Variants in ELMO1 observed in about 807,000 individuals in gnomAD.
The protein encoded by ELMO1 is engulfment and cell motility 1, also known as engulfment and cell motility protein 1.
A neutral mutation model predicts 98.9 loss-of-function variants in ELMO1; 26 were observed. The ratio of observed to expected loss-of-function variants is 0.26; its 90% CI spans 0.19 to 0.36. The LOEUF (loss-of-function observed/expected upper bound fraction) is 0.36, where lower values mean the gene tolerates loss of function less well. ELMO1 is among the 10% of genes least tolerant of loss of function. The pLI, the probability that ELMO1 is intolerant of heterozygous loss-of-function variation, is 1.00. For synonymous variants in ELMO1, 346 were observed against 346.0 expected (o/e 1.00, Z 0.00); for missense variants, 627 against 935.2 (o/e 0.67, Z 4.30).
chr7:37,423,977 C>T (rs1804599361), intron 1 of ELMO1, among the ~76,000 whole-genome samples: 4 of 152,166 alleles, frequency 2.6e-5, no homozygotes, highest in African/African-American at 4.8e-5. Flanking sequence ...CTGGGGGCTA[C>T]GCTGGGTGGT....
At chr7:37,033,809 A>C (rs1363806078) in intron 15 of ELMO1, among the ~76,000 whole-genome samples, 1 of 152,160 alleles carries the variant, frequency 6.6e-6, no homozygotes, top group Non-Finnish European at 1.5e-5. Context: ...TAAGAGAAAG[A>C]CTATTCATTG....
intron 1 of ELMO1, among the ~76,000 whole-genome samples, chr7:37,415,600 G>C (rs976257903): frequency 8.5e-5 from 13 of 152,152 alleles, no homozygotes; most frequent in Non-Finnish European, 1.3e-4. Context: ...ATATAAAGCA[G>C]GCAGCACAGT....
chr7:36,930,969 G>C (rs1785989661), intron 16 of ELMO1, among the ~76,000 whole-genome samples: 1 of 152,170 alleles, frequency 6.6e-6, no homozygotes, highest in Admixed American at 6.5e-5. Context: ...CTCAAAAGCG[G>C]TCAGAATGGA....
chr7:37,318,146 C>G (rs571898726), intron 2 of ELMO1, among the ~76,000 whole-genome samples: 1 of 152,186 alleles, frequency 6.6e-6, no homozygotes, highest in Admixed American at 6.5e-5. Flanking sequence ...TTGCAAGAAG[C>G]TGTCCACTGT....
intron 15 of ELMO1, among the ~76,000 whole-genome samples, chr7:37,080,499 G>A (rs1000608945): frequency 1.3e-4 from 19 of 148,310 alleles, no homozygotes; most frequent in African/African-American, 4.2e-4. Flanking sequence ...GTGCAGCGGC[G>A]TGATCTCAGT....
At chr7:37,223,534 G>C (rs1793711399) in intron 9 of ELMO1, among the ~76,000 whole-genome samples, 1 of 152,178 alleles carries the variant, frequency 6.6e-6, no homozygotes, top group African/African-American at 2.4e-5. Context: ...ATGAGATTAT[G>C]CATGTAAAAT....
chr7:37,044,926 T>C (rs1226253438), intron 15 of ELMO1, among the ~76,000 whole-genome samples: 2 of 152,260 alleles, frequency 1.3e-5, no homozygotes, highest in Admixed American at 1.3e-4. Context: ...GGGCTATTTA[T>C]TTTTTAATTT....
intron 15 of ELMO1, among the ~76,000 whole-genome samples, chr7:37,095,360 T>A (rs1437792862): frequency 1.3e-5 from 2 of 152,210 alleles, no homozygotes; most frequent in Non-Finnish European, 2.9e-5. Context: ...CAGTAAGCAA[T>A]ACTGCACACT....
intron 2 of ELMO1, among the ~76,000 whole-genome samples, chr7:37,319,994 G>A (rs578259590): frequency 3.3e-4 from 51 of 152,254 alleles, no homozygotes; most frequent in African/African-American, 9.9e-4. Context: ...GGTGGCTCAC[G>A]CCTGTAATCC....
chr7:37,427,979 A>G (rs1051041373), intron 1 of ELMO1, among the ~76,000 whole-genome samples: 1 of 152,068 alleles, frequency 6.6e-6, no homozygotes, highest in African/African-American at 2.4e-5. Context: ...ATCCCCATAG[A>G]TACCCCAAAG....
At chr7:37,170,615 C>CTTT (rs543000463) in intron 13 of ELMO1, among the ~76,000 whole-genome samples, 12 of 137,928 alleles carry the variant, frequency 8.7e-5, no homozygotes, top group African/African-American at 2.1e-4. Context: ...TCCTTGCTTG[C>CTTT]TTTTTTTTTT....
At chr7:36,940,903 G>GA (rs1786975426) in intron 16 of ELMO1, among the ~76,000 whole-genome samples, 1 of 152,206 alleles carries the variant, frequency 6.6e-6, no homozygotes, top group Admixed American at 6.5e-5. Flanking sequence ...ATATAGTTAG[G>GA]AAAGTTATAA....
chr7:36,974,907 T>C (rs1790389546), intron 16 of ELMO1, among the ~76,000 whole-genome samples: 1 of 151,316 alleles, frequency 6.6e-6, no homozygotes, highest in Non-Finnish European at 1.5e-5. Flanking sequence ...GCTGTAACAC[T>C]CACTGCGAAC....
chr7:37,076,633 G>A (rs1385566453), intron 15 of ELMO1, among the ~76,000 whole-genome samples: 1 of 152,182 alleles, frequency 6.6e-6, no homozygotes, highest in Non-Finnish European at 1.5e-5. Context: ...TTTCCTCAAG[G>A]TCAGGGGCAG....
At chr7:37,006,469 G>C (rs560708670) in intron 16 of ELMO1, among the ~76,000 whole-genome samples, 1 of 151,846 alleles carries the variant, frequency 6.6e-6, no homozygotes, top group South Asian at 2.1e-4. Context: ...TCACACTGCT[G>C]TGAGGGGCCA....
chr7:36,998,682 T>A lies in ELMO1; in HGVS notation c.1437+14617A>T, dbSNP rs143737237. Among the ~76,000 whole-genome samples, 501 of 152,268 alleles carry A rather than the reference T, an allele frequency of 3.3e-3. 1 individual carries two copies. The highest frequency in any genetic ancestry group is 0.012 in the African/African-American group (490 of 41,552). ...GGCAAACAAGATTGAGATTTAAAACTGTCCACCGGAGGCCATTCTTTGTCA... is the reference window on the plus strand; with the variant it reads ...GGCAAACAAGATTGAGATTTAAAACAGTCCACCGGAGGCCATTCTTTGTCA... On this transcript the variant is annotated intron_variant, in intron 16 of 21. Transcript: ENST00000310758.
At chr7:36,914,447 C>T (rs953909078) in intron 16 of ELMO1, among the ~76,000 whole-genome samples, 4 of 151,550 alleles carry the variant, frequency 2.6e-5, no homozygotes, top group Admixed American at 6.6e-5. Context: ...AGAGTAATTA[C>T]GTAAAATAGA....
At chr7:37,165,685 G>A (rs1789623749) in intron 13 of ELMO1, among the ~76,000 whole-genome samples, 1 of 152,074 alleles carries the variant, frequency 6.6e-6, no homozygotes. Context: ...CAGGGATGAA[G>A]CCCACTTGAT....
intron 2 of ELMO1, among the ~76,000 whole-genome samples, chr7:37,317,250 A>C (rs889214620): frequency 6.6e-6 from 1 of 152,184 alleles, no homozygotes; most frequent in Non-Finnish European, 1.5e-5. Context: ...CTAAAGGCCC[A>C]GTTCAGTGTA....
Sources: allele counts gnomAD v4.1 joint callset (sites outside exome capture counted in the v4.1 genomes callset), GRCh38; gene constraint gnomAD v4.1.1; transcripts MANE v1.5; gene names NCBI Gene and HGNC (gene_info 2026-07-23, HGNC 2026-07-21).